Variants in NAALADL2 observed in about 807,000 individuals in gnomAD.
NAALADL2 encodes the protein inactive N-acetylated-alpha-linked acidic dipeptidase-like protein 2.
NAALADL2 carries 76 observed loss-of-function variants against 87.2 expected under a neutral mutation model. That is an observed-to-expected ratio of 0.87 (90% CI 0.72 to 1.05). The LOEUF is 1.05. Ranked by LOEUF, NAALADL2 falls within the 50% of genes least tolerant of loss-of-function variation. NAALADL2 has a pLI of 0.00. For missense variants in NAALADL2, 1,089 were observed against 945.8 expected (o/e 1.15, Z -1.99); for synonymous variants, 354 against 331.0 (o/e 1.07, Z -0.75).
chr3:175,316,928 G>A (rs1454934729), intron 4 of NAALADL2, among the ~76,000 whole-genome samples: 2 of 152,082 alleles, frequency 1.3e-5, no homozygotes, highest in Non-Finnish European at 2.9e-5. Flanking sequence ...CACTATGATG[G>A]CCAGTGACAG....
intron 13 of NAALADL2, among the ~76,000 whole-genome samples, chr3:175,779,802 A>G (rs937864567): frequency 6.6e-5 from 10 of 152,182 alleles, no homozygotes; most frequent in African/African-American, 2.4e-4. Flanking sequence ...TTTCCTGCCT[A>G]TAAACTATAT....
At chr3:175,007,365 G>C (rs1301167851) in intron 1 of NAALADL2, among the ~76,000 whole-genome samples, 1 of 152,092 alleles carries the variant, frequency 6.6e-6, no homozygotes, top group African/African-American at 2.4e-5. Flanking sequence ...GAATATGTGA[G>C]GCTGACTTAG....
intron 5 of NAALADL2, among the ~76,000 whole-genome samples, chr3:175,361,539 A>C (rs1476503757): frequency 6.8e-6 from 1 of 147,976 alleles, no homozygotes; most frequent in Non-Finnish European, 1.5e-5. Flanking sequence ...TTGTTTCCTG[A>C]CTTATTAATG....
chr3:174,752,724 AATTTTTTATGG>A (rs1734961466), intron 3 of NAALADL2, among the ~76,000 whole-genome samples: 1 of 151,802 alleles, frequency 6.6e-6, no homozygotes, highest in South Asian at 2.1e-4. Context: ...TATTTTTGTT[AATTTTTTATGG>A]ATAAAATACT....
chr3:175,708,551 T>C (rs560348160), intron 11 of NAALADL2, among the ~76,000 whole-genome samples: 3 of 151,678 alleles, frequency 2.0e-5, no homozygotes, highest in South Asian at 2.1e-4. Context: ...GTCAGTATGA[T>C]GGACAAAGTA....
intron 1 of NAALADL2, among the ~76,000 whole-genome samples, chr3:174,955,582 A>G (rs1472633410): frequency 1.3e-5 from 2 of 152,104 alleles, no homozygotes; most frequent in African/African-American, 4.8e-5. Flanking sequence ...CTGGTGACTC[A>G]TACATATCTT....
intron 2 of NAALADL2, among the ~76,000 whole-genome samples, chr3:174,667,489 AT>A: frequency 6.7e-6 from 1 of 150,088 alleles, no homozygotes; most frequent in South Asian, 2.1e-4. Context: ...TTGAGTTGGC[AT>A]TTTCATGGGC....
intron 5 of NAALADL2, among the ~76,000 whole-genome samples, chr3:175,331,175 A>C (rs910723334): frequency 6.6e-6 from 1 of 152,106 alleles, no homozygotes. Context: ...ACAACAACAA[A>C]AAAACCTAGG....
chr3:175,055,030 A>C (rs913284319), intron 1 of NAALADL2, among the ~76,000 whole-genome samples: 1 of 152,232 alleles, frequency 6.6e-6, no homozygotes, highest in Non-Finnish European at 1.5e-5. Flanking sequence ...TGAATTGGCC[A>C]CACGGATAGC....
At chr3:175,452,229 T>TTC (rs907908560) in intron 6 of NAALADL2, among the ~76,000 whole-genome samples, 24 of 27,060 alleles carry the variant, frequency 8.9e-4, no homozygotes, top group Middle Eastern at 0.028. Context: ...TGTCTTCAGA[T>TTC]TCTCTCTCTC....
intron 3 of NAALADL2, among the ~76,000 whole-genome samples, chr3:174,797,305 CTTTTTTTTTTTTTT>C (rs1160338109): frequency 1.4e-5 from 1 of 72,720 alleles, no homozygotes; most frequent in Non-Finnish European, 2.4e-5. Context: ...TTTCTTTTTT[CTTTTTTTTTTTTTT>C]TTTTTTTTTT....
intron 11 of NAALADL2, among the ~76,000 whole-genome samples, chr3:175,668,593 G>A (rs1323089771): frequency 6.6e-6 from 1 of 151,856 alleles, no homozygotes; most frequent in Admixed American, 6.6e-5. Context: ...AGCCACTCTT[G>A]GTAGTTTATA....
chr3:175,072,819 C>A (rs950306769), intron 1 of NAALADL2, among the ~76,000 whole-genome samples: 9 of 150,454 alleles, frequency 6.0e-5, no homozygotes, highest in African/African-American at 2.0e-4. Context: ...GCACATGTAC[C>A]CTAAAACTTA....
intron 1 of NAALADL2, among the ~76,000 whole-genome samples, chr3:174,508,119 T>TTTTTTTTTGTTTTG (rs1358097082): frequency 7.1e-6 from 1 of 141,258 alleles, no homozygotes; most frequent in African/African-American, 2.7e-5. Context: ...TAGTGGTTTT[T>TTTTTTTTTGTTTTG]TTTTTTTTTT....
rs77968471 is a variant in NAALADL2 at position 175,569,715 on chromosome 3, G to A, written c.1654-6326G>A. On this transcript the variant is annotated intron_variant, in intron 9 of 13. Coordinates refer to ENST00000454872, the MANE Select transcript of NAALADL2 (RefSeq NM_207015.3). The stretch of plus-strand genomic sequence containing the variant: ...AAGAAAGCCTTCTCTAGAACTTACC[G>A]TGATGGCACTCTGATGAACTTCCCA... Among the ~76,000 whole-genome samples the A allele has an allele frequency of 2.6e-4, 39 of 152,066 alleles. No homozygotes were observed. The East Asian group carries it at 6.2e-3, about 24-fold the overall frequency.
rs562878739 is a variant in NAALADL2 at position 175,727,537 on chromosome 3, C to T, written c.1897-9769C>T. On this transcript the variant is annotated intron_variant, in intron 11 of 13. Transcript: ENST00000454872. ...TTGAAGCAAATTGCCCTATCAGAGG[C>T]TATTGGAATTCTTCAATGACTTTGG... Among the ~76,000 whole-genome samples, 170 of 152,260 alleles carry T rather than the reference C, an allele frequency of 1.1e-3. 2 individuals are homozygous for T. In the South Asian group the frequency reaches 0.015, roughly 14 times the overall value.
At chr3:175,550,259 A>T (rs183910516) in intron 9 of NAALADL2, among the ~76,000 whole-genome samples, 2 of 152,250 alleles carry the variant, frequency 1.3e-5, no homozygotes, top group East Asian at 3.9e-4. Context: ...ACATAATAGG[A>T]CTTTTAGTGT....
At chr3:174,851,499 A>C (rs1413435313) in intron 3 of NAALADL2, among the ~76,000 whole-genome samples, 1 of 152,100 alleles carries the variant, frequency 6.6e-6, no homozygotes, top group Non-Finnish European at 1.5e-5. Flanking sequence ...CTATATGCCA[A>C]TAAATTGGAA....
chr3:174,839,028 G>GC (rs780016673), intron 3 of NAALADL2, among the ~76,000 whole-genome samples: 1 of 152,080 alleles, frequency 6.6e-6, no homozygotes, highest in Non-Finnish European at 1.5e-5. Context: ...AAGAGAGCCC[G>GC]CATAGCCAAA....
Sources: gnomAD v4.1 joint callset for allele counts (sites outside exome capture counted in the v4.1 genomes callset) on GRCh38, gnomAD v4.1.1 for gene constraint, MANE v1.5 for transcripts, NCBI Gene and HGNC (gene_info 2026-07-23, HGNC 2026-07-21) for gene names.